Variants in GPC6 observed in about 807,000 individuals in gnomAD.
GPC6 encodes the protein glypican-6.
GPC6 carries 14 observed loss-of-function variants against 55.2 expected under a neutral mutation model. That is an observed-to-expected ratio of 0.25 (90% CI 0.17 to 0.40). GPC6 has a LOEUF of 0.40. GPC6 is among the 10% of genes least tolerant of loss of function. GPC6 has a pLI of 1.00. For missense variants in GPC6, 641 were observed against 708.5 expected, an observed-to-expected ratio of 0.90 and a Z score of 1.08; for synonymous variants, 278 against 259.6, an observed-to-expected ratio of 1.07 and a Z score of -0.68.
At chr13:93,849,446 T>G (rs1888319283) in intron 3 of GPC6, among the ~76,000 whole-genome samples, 1 of 152,016 alleles carries the variant, frequency 6.6e-6, no homozygotes, top group Non-Finnish European at 1.5e-5. Flanking sequence ...TCGAAAGACA[T>G]TGTAGATGAA....
At chr13:94,191,253 G>T (rs1471580550) in intron 4 of GPC6, among the ~76,000 whole-genome samples, 1 of 152,202 alleles carries the variant, frequency 6.6e-6, no homozygotes, top group Non-Finnish European at 1.5e-5. Flanking sequence ...GTTGATACTA[G>T]AAATGCTAGG....
intron 1 of GPC6, among the ~76,000 whole-genome samples, chr13:93,347,714 T>C (rs1243523835): frequency 6.6e-6 from 1 of 152,196 alleles, no homozygotes; most frequent in Non-Finnish European, 1.5e-5. Flanking sequence ...TTGATCTTTA[T>C]TAGTTTCATA....
chr13:93,684,632 C>A (rs1881977588), intron 2 of GPC6, among the ~76,000 whole-genome samples: 1 of 152,090 alleles, frequency 6.6e-6, no homozygotes, highest in African/African-American at 2.4e-5. Context: ...CACTGAGCAA[C>A]CTAGGGGACT....
Position 93,830,145 on chromosome 13 carries a change from T to C in GPC6, c.320-9T>C. 2 of 1,607,294 alleles carry C rather than the reference T, an allele frequency of 1.2e-6. No individual in the cohort carries two copies. The highest frequency in any genetic ancestry group is 1.7e-6 in the Non-Finnish European group (2 of 1,175,884). On this transcript the variant is annotated splice_polypyrimidine_tract_variant and intron_variant, in intron 2 of 8. Coordinates refer to ENST00000377047, the MANE Select transcript of GPC6 (RefSeq NM_005708.5). ...ATTAATTTATGACTTCTTTCTGTTTTATCTGCAGAATTTTTCCGAGAGCTC... is the reference window on the plus strand; with the variant it reads ...ATTAATTTATGACTTCTTTCTGTTTCATCTGCAGAATTTTTCCGAGAGCTC...
chr13:93,602,380 A>G (rs1462355834), intron 2 of GPC6, among the ~76,000 whole-genome samples: 1 of 152,200 alleles, frequency 6.6e-6, no homozygotes, highest in Non-Finnish European at 1.5e-5. Flanking sequence ...AATGAAGATG[A>G]CTGAATTGCA....
chr13:94,090,506 A>G (rs1372121267), intron 4 of GPC6, among the ~76,000 whole-genome samples: 1 of 152,040 alleles, frequency 6.6e-6, no homozygotes, highest in Non-Finnish European at 1.5e-5. Context: ...AAAAGGTCAA[A>G]ATACTCTCTC....
chr13:93,711,865 CCT>C (rs1328258630), intron 2 of GPC6, among the ~76,000 whole-genome samples: 5 of 151,704 alleles, frequency 3.3e-5, no homozygotes, highest in African/African-American at 1.2e-4. Context: ...AAAATGCCCC[CCT>C]CTCTGTTTCT....
intron 3 of GPC6, among the ~76,000 whole-genome samples, chr13:93,833,287 G>A (rs1247646958): frequency 2.6e-5 from 4 of 152,042 alleles, no homozygotes; most frequent in East Asian, 1.9e-4. Flanking sequence ...GTCTAGAGCC[G>A]ACTAAACTAG....
At chr13:93,309,857 G>A (rs1445803651) in intron 1 of GPC6, among the ~76,000 whole-genome samples, 1 of 152,136 alleles carries the variant, frequency 6.6e-6, no homozygotes, top group Non-Finnish European at 1.5e-5. Flanking sequence ...GTTTGCTTGG[G>A]ACAGTTCTGG....
chr13:93,252,211 C>A lies in GPC6; in HGVS notation c.160+24595C>A, dbSNP rs926122421. On this transcript the variant is annotated intron_variant, in intron 1 of 8. Coordinates refer to ENST00000377047, the MANE Select transcript of GPC6 (RefSeq NM_005708.5). ...GCAGGTGCTGGTGTTCTCTGGACCA[C>A]ACTTTGAGAACCACTGTCTTAAAAT... Among the ~76,000 whole-genome samples, 3 of 152,190 alleles carry A rather than the reference C, an allele frequency of 2.0e-5. No individual in the cohort carries two copies. The East Asian group carries it at 5.8e-4, about 29-fold the overall frequency.
intron 4 of GPC6, among the ~76,000 whole-genome samples, chr13:94,145,910 G>A (rs1019889164): frequency 3.3e-5 from 5 of 152,112 alleles, no homozygotes; most frequent in African/African-American, 1.2e-4. Context: ...GCTGCAACTG[G>A]ACAGGTGACA....
intron 1 of GPC6, chr13:93,395,484 A>G (rs1246522900): frequency 5.1e-6 from 1 of 197,230 alleles, no homozygotes; most frequent in Non-Finnish European, 1.0e-5. Context: ...ATTTTCCCAT[A>G]CTATTCAAAA....
intron 4 of GPC6, among the ~76,000 whole-genome samples, chr13:94,072,674 C>T (rs970391732): frequency 6.6e-6 from 1 of 152,216 alleles, no homozygotes; most frequent in Non-Finnish European, 1.5e-5. Flanking sequence ...TAGACTTATT[C>T]TCTACCTTTT....
Position 93,688,617 on chromosome 13 carries a change from C to G in GPC6, c.320-141537C>G, listed in dbSNP as rs148447764. ...AAAGGCAGGAAATTATGACAACATC[C>G]TACAATGTGGATGAATCTTGAAAAT... On this transcript the variant is annotated intron_variant, in intron 2 of 8. Transcript: ENST00000377047. 4.0e-3 allele frequency among the ~76,000 whole-genome samples: 614 copies of G among 152,046 alleles called. 6 individuals carry two copies. The highest frequency in any genetic ancestry group is 0.02 in the South Asian group (94 of 4,816).
chr13:93,882,181 G>T (rs1875031965), intron 3 of GPC6, among the ~76,000 whole-genome samples: 1 of 150,210 alleles, frequency 6.7e-6, no homozygotes, highest in South Asian at 2.1e-4. Flanking sequence ...TTTTGACAGG[G>T]TCTCACTCTT....
intron 1 of GPC6, among the ~76,000 whole-genome samples, chr13:93,544,095 G>A (rs1222110542): frequency 6.7e-6 from 1 of 150,354 alleles, no homozygotes; most frequent in Non-Finnish European, 1.5e-5. Context: ...GTAATTGTTG[G>A]ACATTTGAGT....
At chr13:93,324,882 CCCTT>C (rs1307282989) in intron 1 of GPC6, among the ~76,000 whole-genome samples, 19 of 151,872 alleles carry the variant, frequency 1.3e-4, no homozygotes, top group South Asian at 8.3e-4. Context: ...TGAGTGGTGG[CCCTT>C]TGATTTATGC....
chr13:93,657,241 C>A (rs1320637211), intron 2 of GPC6, among the ~76,000 whole-genome samples: 1 of 151,840 alleles, frequency 6.6e-6, no homozygotes, highest in Non-Finnish European at 1.5e-5. Flanking sequence ...GGTACTGGTT[C>A]AAAAAATAAA....
intron 2 of GPC6, among the ~76,000 whole-genome samples, chr13:93,761,879 T>G (rs1354529906): frequency 6.6e-6 from 1 of 152,206 alleles, no homozygotes. Context: ...TGAGAACATT[T>G]AAAATCCACT....
Sources: gnomAD v4.1 joint callset for allele counts (sites outside exome capture counted in the v4.1 genomes callset) on GRCh38, gnomAD v4.1.1 for gene constraint, MANE v1.5 for transcripts, NCBI Gene and HGNC (gene_info 2026-07-23, HGNC 2026-07-21) for gene names.